RAMP1: variants seen among roughly 807,000 people sequenced by gnomAD.
The protein encoded by RAMP1 is receptor activity-modifying protein 1.
Under a neutral mutation model 8.2 loss-of-function variants are expected in RAMP1, and 7 were observed. The observed-to-expected ratio is 0.85, with a 90% CI of 0.49 to 1.60. The LOEUF is 1.60. RAMP1 is among the 40% of genes most tolerant of loss of function. The pLI is 0.00. For missense variants in RAMP1, 192 were observed against 202.4 expected (o/e 0.95, Z 0.31); for synonymous variants, 92 against 84.7 (o/e 1.09, Z -0.47).
intron 2 of RAMP1, among the ~76,000 whole-genome samples, chr2:237,905,223 G>A (rs1263035777): frequency 7.2e-5 from 11 of 152,190 alleles, no homozygotes; most frequent in South Asian, 6.2e-4. Flanking sequence ...CCTTCAGTCC[G>A]TTCTGTGTTC....
intron 2 of RAMP1, among the ~76,000 whole-genome samples, chr2:237,880,076 C>G (rs914962323): frequency 1.3e-5 from 2 of 152,000 alleles, no homozygotes; most frequent in East Asian, 1.9e-4. Flanking sequence ...CACGTCAGCC[C>G]AGGCCTGCCA....
intron 2 of RAMP1, among the ~76,000 whole-genome samples, chr2:237,906,717 CTTT>C (rs71402734): frequency 1.2e-5 from 1 of 86,210 alleles, no homozygotes; most frequent in African/African-American, 4.7e-5. Flanking sequence ...ATATCAACCT[CTTT>C]TTTTTTTTTT....
At chr2:237,873,508 C>T (rs3754693) in intron 1 of RAMP1, among the ~76,000 whole-genome samples, 11,339 of 152,168 alleles carry the variant, frequency 0.075, 626 homozygotes, top group East Asian at 0.2. Context: ...ATTTCAGGGG[C>T]GCTGTCCTGC....
chr2:237,870,817 C>T (rs534564728), intron 1 of RAMP1, among the ~76,000 whole-genome samples: 1 of 152,070 alleles, frequency 6.6e-6, no homozygotes. Flanking sequence ...AGTGAGGACT[C>T]GGAAGGGCCT....
intron 1 of RAMP1, among the ~76,000 whole-genome samples, chr2:237,869,638 G>A (rs115589213): frequency 1.0e-3 from 159 of 152,320 alleles, no homozygotes; most frequent in African/African-American, 3.6e-3. Flanking sequence ...GTTATGGATA[G>A]ACCACACTGT....
intron 1 of RAMP1, among the ~76,000 whole-genome samples, chr2:237,872,910 C>T (rs186718723): frequency 2.3e-3 from 345 of 152,326 alleles, no homozygotes; most frequent in African/African-American, 7.6e-3. Flanking sequence ...GTCCCAGCTA[C>T]TTGGGAGGCT....
rs2062176323 is a variant in RAMP1, at chr2:237,865,291, GGGAGA to G, written c.52+5574_52+5578del. Among the ~76,000 whole-genome samples, 1 of 134,994 alleles carries G rather than the reference GGGAGA, an allele frequency of 7.4e-6. No individual in the cohort carries two copies. The highest frequency in any genetic ancestry group is 1.6e-5 in the Non-Finnish European group (1 of 61,998). The allele number at this position is 134,994 out of a possible 152,430, so 88.6% of individuals were successfully genotyped here. On this transcript the variant is annotated intron_variant, in intron 1 of 2. Coordinates refer to ENST00000254661, the MANE Select transcript of RAMP1 (RefSeq NM_005855.4). This position sits in a 1 kb window ranked among gnomAD's most constrained non-coding sequence, Gnocchi z 4.2. The stretch of plus-strand genomic sequence containing the variant: ...AGGAGAGGAGGGGAGGGGAGAGCAG[GGGAGA>G]GGAGAGGAGGGGAGGGCAGGGGAGA...
intron 2 of RAMP1, among the ~76,000 whole-genome samples, chr2:237,892,331 T>C (rs2062495373): frequency 6.7e-6 from 1 of 149,504 alleles, no homozygotes; most frequent in South Asian, 2.1e-4. Flanking sequence ...TGATCATGGC[T>C]CACTGCAGCC....
chr2:237,905,700 G>A (rs1401635970), intron 2 of RAMP1, among the ~76,000 whole-genome samples: 4 of 152,184 alleles, frequency 2.6e-5, no homozygotes. Flanking sequence ...AGATATGGGA[G>A]AGGATCATCA....
intron 1 of RAMP1, among the ~76,000 whole-genome samples, chr2:237,864,947 C>T (rs1040729866): frequency 3.9e-5 from 6 of 152,140 alleles, no homozygotes; most frequent in South Asian, 2.1e-4. Flanking sequence ...GGCTTTGAGC[C>T]GAAGCTGGTG....
intron 2 of RAMP1, among the ~76,000 whole-genome samples, chr2:237,905,529 G>A (rs1021042327): frequency 3.9e-5 from 6 of 152,200 alleles, no homozygotes; most frequent in Non-Finnish European, 5.9e-5. Flanking sequence ...TCCTGCATCC[G>A]CTCCTTCCTG....
intron 2 of RAMP1, among the ~76,000 whole-genome samples, chr2:237,882,891 G>A (rs1038416278): frequency 9.2e-5 from 14 of 152,150 alleles, no homozygotes; most frequent in South Asian, 2.1e-4. Flanking sequence ...GAGGCTGACC[G>A]GCAGGCAGCC....
At chr2:237,866,741 T>C (rs1022742735) in intron 1 of RAMP1, among the ~76,000 whole-genome samples, 2 of 152,104 alleles carry the variant, frequency 1.3e-5, no homozygotes, top group African/African-American at 4.8e-5. Flanking sequence ...TTTTTTTTCT[T>C]TTTTTGAGAC....
intron 1 of RAMP1, among the ~76,000 whole-genome samples, chr2:237,873,851 G>A (rs368141382): frequency 9.9e-5 from 15 of 152,258 alleles, no homozygotes; most frequent in East Asian, 3.9e-4. Flanking sequence ...AGCATTCTTC[G>A]CCTGTACCTA....
At chr2:237,897,777 TGGG>T (rs11404748) in intron 2 of RAMP1, among the ~76,000 whole-genome samples, 1 of 140,762 alleles carries the variant, frequency 7.1e-6, no homozygotes, top group African/African-American at 2.6e-5. Flanking sequence ...TTTGGTTTTT[TGGG>T]GGGGGGTTTT....
At chr2:237,895,721 C>G (rs2062535927) in intron 2 of RAMP1, among the ~76,000 whole-genome samples, 2 of 16,304 alleles carry the variant, frequency 1.2e-4, no homozygotes, top group South Asian at 6.7e-3. Flanking sequence ...GGTGAGTATG[C>G]TTTGGGCCGG....
At chr2:237,901,660 G>A (rs530699365) in intron 2 of RAMP1, among the ~76,000 whole-genome samples, 1 of 152,302 alleles carries the variant, frequency 6.6e-6, no homozygotes, top group East Asian at 1.9e-4. Context: ...GTGTAATGGT[G>A]AGCACTGAAG....
intron 1 of RAMP1, among the ~76,000 whole-genome samples, chr2:237,875,826 C>T (rs1448104220): frequency 1.3e-5 from 2 of 152,102 alleles, no homozygotes; most frequent in East Asian, 1.9e-4. Context: ...TGGTGCTCTG[C>T]AACAGCACCC....
At chr2:237,876,349 T>C (rs1206762208) in intron 1 of RAMP1, among the ~76,000 whole-genome samples, 1 of 151,966 alleles carries the variant, frequency 6.6e-6, no homozygotes, top group Non-Finnish European at 1.5e-5. Flanking sequence ...AGGGGCTGGG[T>C]GCCCCCAGCG....
Sources: allele counts gnomAD v4.1 joint callset (sites outside exome capture counted in the v4.1 genomes callset), GRCh38; gene constraint gnomAD v4.1.1; non-coding constraint Gnocchi (gnomAD v3.1); transcripts MANE v1.5; gene names NCBI Gene and HGNC (gene_info 2026-07-23, HGNC 2026-07-21).